ZNF850: variants seen among roughly 807,000 people sequenced by gnomAD.
ZNF850 encodes zinc finger protein 850, also known as putative zinc finger protein ENSP00000330994.
In ZNF850, 2 loss-of-function variants were observed where a neutral mutation model predicts 11.9. The observed-to-expected ratio is 0.17, with a 90% CI of 0.07 to 0.53. ZNF850 has a LOEUF of 0.53. Among genes scored for constraint, ZNF850 ranks in the 20% least tolerant of loss-of-function variants. The pLI, the probability that ZNF850 is intolerant of heterozygous loss-of-function variation, is 0.94. For synonymous variants in ZNF850, 381 were observed against 443.0 expected (o/e 0.86, Z 1.76); for missense variants, 1,014 against 1,316.4 (o/e 0.77, Z 3.55).
intron 1 of ZNF850, among the ~76,000 whole-genome samples, chr19:36,766,153 A>G (rs901001399): frequency 2.0e-5 from 3 of 152,164 alleles, no homozygotes; most frequent in African/African-American, 7.2e-5. Flanking sequence ...CGGCCTCCCA[A>G]AGTGCTGGGA....
chr19:36,747,239 A>G lies in ZNF850; in HGVS notation c.*528T>C, dbSNP rs927494313. On this transcript the variant is annotated 3_prime_UTR_variant, in exon 5 of 5. Coordinates refer to ENST00000591344, the MANE Select transcript of ZNF850 (RefSeq NM_001193552.2). ...AGTAATTTTGGCACAGAGAATTTACATAACTAGCCTAATGTCACGTAGGTA... is the reference window on the plus strand; with the variant it reads ...AGTAATTTTGGCACAGAGAATTTACGTAACTAGCCTAATGTCACGTAGGTA... The G allele has an allele frequency of 2.0e-5, 3 of 152,904 alleles. No homozygotes were observed. Among genetic ancestry groups the G allele is most frequent in the East Asian group, 3.9e-4 (2 of 5,192 alleles). The allele number at this position is 152,904 out of a possible 1,614,324, so 9.5% of individuals were successfully genotyped here. A position where few individuals can be genotyped will look rare whatever the true frequency, so the allele number is the denominator to read the frequency against.
chr19:36,761,655 C>T lies in ZNF850; in HGVS notation c.223G>A (p.Gly75Arg), dbSNP rs2040518959. The T allele has an allele frequency of 1.9e-6, 3 of 1,549,740 alleles. No homozygotes were observed. Among genetic ancestry groups the T allele is most frequent in the Admixed American group, 3.8e-5 (2 of 52,344 alleles). Residue 75 changes from glycine to arginine, a missense_variant, in exon 4 of 5, where the codon GGA (glycine) becomes AGA (arginine). By Grantham distance (125) the Gly-to-Arg change is moderately radical. Around this residue, in one of 2 missense-constraint regions of ZNF850, gnomAD observed 835 missense variants for 1,022.0 expected, o/e 0.82. Transcript: ENST00000591344. ...PWMVSRDVLGGWCRDSEFRCK... is the reference protein window; with the variant it reads ...PWMVSRDVLGRWCRDSEFRCK... ...AGTCCTTACTCACCTCGGCACCATC[C>T]TCCCAGCACGTCCCTTGAAACCATC...
Position 36,764,022 on chromosome 19 carries a change from G to A in ZNF850, c.-69-1347C>T, listed in dbSNP as rs142911363. On this transcript the variant is annotated intron_variant, in intron 1 of 4. Coordinates refer to ENST00000591344, the MANE Select transcript of ZNF850 (RefSeq NM_001193552.2). ...AGCACTTTGGGAGGCTGAGTCGGGC[G>A]GATCACGAGGTCAAGAGATAGAGAC... Among the ~76,000 whole-genome samples the A allele has an allele frequency of 3.6e-4, 55 of 152,104 alleles. 1 individual carries two copies. Among genetic ancestry groups the A allele is most frequent in the African/African-American group, 1.0e-3 (43 of 41,510 alleles).
Position 36,748,649 on chromosome 19 carries a change from A to G in ZNF850, c.2391T>C (p.His797=), listed in dbSNP as rs878945516. Residue 797 remains histidine (H), a synonymous_variant, in exon 5 of 5, where the codon CAT becomes CAC. Coordinates refer to ENST00000591344, the MANE Select transcript of ZNF850 (RefSeq NM_001193552.2). ...GTGGCTGATGTTGAATTAGTGTTGA[A>G]TGAGAAGTAAAAGATTTCCCACATT... is the stretch of plus-strand genomic sequence containing the variant. The part of the protein sequence containing the change: ...CKECGKSFTS[H]STLIQHQPLH... 2.0e-5 allele frequency: 30 copies of G among 1,533,930 alleles called. No individual in the cohort carries two copies. The African/African-American group carries it at 3.9e-4, about 20-fold the overall frequency.
intron 1 of ZNF850, among the ~76,000 whole-genome samples, chr19:36,769,085 A>T (rs576734560): frequency 8.6e-5 from 13 of 151,580 alleles, no homozygotes; most frequent in Admixed American, 7.9e-4. Context: ...ACATGGTGAA[A>T]CCCTGTCTCT....
intron 4 of ZNF850, among the ~76,000 whole-genome samples, chr19:36,753,994 G>A (rs1285765874): frequency 6.6e-6 from 1 of 151,738 alleles, no homozygotes; most frequent in Non-Finnish European, 1.5e-5. Flanking sequence ...GAGACAAATA[G>A]AATAAGCTGG....
Position 36,747,426 on chromosome 19 carries a change from G to A in ZNF850, c.*341C>T, listed in dbSNP as rs1299553046. On this transcript the variant is annotated 3_prime_UTR_variant, in exon 5 of 5. Transcript: ENST00000591344. Reference sequence around the variant, plus strand: ...GGGTGGATCACCAGGTCAGGAGATCGAGACCATCCTGGCTAACACAGTGAA... The same window carrying A: ...GGGTGGATCACCAGGTCAGGAGATCAAGACCATCCTGGCTAACACAGTGAA... 3.9e-5 allele frequency: 7 copies of A among 180,444 alleles called. No homozygotes were observed. Among genetic ancestry groups the A allele is most frequent in the East Asian group, 1.4e-4 (1 of 6,974 alleles). The allele number at this position is 180,444 out of a possible 1,614,324, so 11.2% of individuals were successfully genotyped here. A position where few individuals can be genotyped will look rare whatever the true frequency, so the allele number is the denominator to read the frequency against.
rs778425979 is a variant in ZNF850 at position 36,750,801 on chromosome 19, G to A, written c.239C>T (p.Ser80Leu). The A allele has an allele frequency of 3.8e-5, 56 of 1,491,450 alleles. No individual in the cohort carries two copies. Among genetic ancestry groups the A allele is most frequent in the Admixed American group, 2.9e-4 (12 of 41,034 alleles). 92.4% of individuals were successfully genotyped at this position (1,491,450 alleles called of 1,614,324 possible). Residue 80 changes from serine to leucine, a missense_variant, in exon 5 of 5, where the codon TCG becomes TTG. Around this residue, in one of 2 missense-constraint regions of ZNF850, gnomAD observed 835 missense variants for 1,022.0 expected, o/e 0.82. Transcript: ENST00000591344. Reference sequence around the variant, plus strand: ...ATCTTTGGTCTTACATCTAAACTCCGAGTCTGAAAAATAACCAGAAAGCAA... The same window carrying A: ...ATCTTTGGTCTTACATCTAAACTCCAAGTCTGAAAAATAACCAGAAAGCAA... The part of the protein sequence containing the change: ...RDVLGGWCRD[S>L]EFRCKTKDSC...
intron 4 of ZNF850, 78 bp from the exon 5 acceptor site, chr19:36,750,882 G>A: frequency 7.4e-7 from 1 of 1,349,408 alleles, no homozygotes; most frequent in Non-Finnish European, 9.8e-7. Context: ...AGAAAGGGGA[G>A]ACAAACTGAA....
At chr19:36,765,289 G>A (rs1236499791) in intron 1 of ZNF850, among the ~76,000 whole-genome samples, 2 of 152,208 alleles carry the variant, frequency 1.3e-5, no homozygotes, top group African/African-American at 4.8e-5. Flanking sequence ...CATTCTCATA[G>A]GGTCAGTATC....
intron 4 of ZNF850, among the ~76,000 whole-genome samples, chr19:36,752,560 G>A (rs1011055158): frequency 6.6e-5 from 10 of 152,176 alleles, no homozygotes; most frequent in Admixed American, 3.9e-4. Context: ...TAGGGGATGA[G>A]ATGAGGAATG....
chr19:36,756,096 G>A (rs934214027), intron 4 of ZNF850, among the ~76,000 whole-genome samples: 12 of 151,754 alleles, frequency 7.9e-5, no homozygotes, highest in Non-Finnish European at 1.3e-4. Context: ...AGTAGAGACG[G>A]GGTTTTACCA....
At chr19:36,767,273 A>G (rs1380790764) in intron 1 of ZNF850, among the ~76,000 whole-genome samples, 1 of 150,028 alleles carries the variant, frequency 6.7e-6, no homozygotes, top group African/African-American at 2.5e-5. Context: ...AAAATACAAA[A>G]AAGTCGGGCA....
chr19:36,748,321 T>C lies in ZNF850; in HGVS notation c.2719A>G (p.Arg907Gly). 7 of 1,590,462 alleles carry C rather than the reference T, an allele frequency of 4.4e-6. No homozygotes were observed. Among genetic ancestry groups the C allele is most frequent in the Non-Finnish European group, 6.0e-6 (7 of 1,171,450 alleles). ...TGTTGAGTAAGTTTTGAACGACGTCTAAAGGCCTTGCCACATTCCTTACAA... is the reference window on the plus strand; with the variant it reads ...TGTTGAGTAAGTTTTGAACGACGTCCAAAGGCCTTGCCACATTCCTTACAA... ...YDCKECGKAFRRRSKLTQHQR... is the reference protein window; with the variant it reads ...YDCKECGKAFGRRSKLTQHQR... Residue 907 changes from arginine (R) to glycine (G), a missense_variant, in exon 5 of 5, where the codon AGA becomes GGA. Coordinates refer to ENST00000591344, the MANE Select transcript of ZNF850 (RefSeq NM_001193552.2).
intron 4 of ZNF850, among the ~76,000 whole-genome samples, chr19:36,752,721 T>G (rs1317664185): frequency 6.6e-6 from 1 of 152,032 alleles, no homozygotes; most frequent in African/African-American, 2.4e-5. Flanking sequence ...TTCTTCAACA[T>G]ATAAATTTCA....
rs1420110902 is a variant in ZNF850 at position 36,769,047 on chromosome 19, G to C, written c.-70+3678C>G. 4.6e-5 allele frequency among the ~76,000 whole-genome samples: 7 copies of C among 151,302 alleles called. No homozygotes were observed. In the East Asian group the frequency reaches 1.2e-3, roughly 25 times the overall value. ...AGGCAGAGGTGGGTGAATCACTTGA[G>C]ATCAGGAGTTCATGACCAGCCTGGC... On this transcript the variant is annotated intron_variant, in intron 1 of 4. Coordinates refer to ENST00000591344, the MANE Select transcript of ZNF850 (RefSeq NM_001193552.2).
rs1262563973 is a variant in ZNF850, at chr19:36,747,925, AT to A, written c.3114del (p.Gln1038HisfsTer52). On this transcript the variant is annotated frameshift_variant, in exon 5 of 5. Coordinates refer to ENST00000591344, the MANE Select transcript of ZNF850 (RefSeq NM_001193552.2). LOFTEE classifies it low-confidence loss of function (END_TRUNC). ...KRIHTGEKTY[Q>X]CPECGKAFFY... ...AAAAAGGCTTTCCCACATTCCGGACATTGATAAGTTTTCTCACCAGTATGGA... is the reference window on the plus strand; with the variant it reads ...AAAAAGGCTTTCCCACATTCCGGACATGATAAGTTTTCTCACCAGTATGGA... 6.4e-7 allele frequency: 1 copy of A among 1,569,376 alleles called. No homozygotes were observed. Among genetic ancestry groups the A allele is most frequent in the Non-Finnish European group, 8.6e-7 (1 of 1,161,696 alleles).
rs1459031702 is a variant in ZNF850 at position 36,750,115 on chromosome 19, A to G, written c.925T>C (p.Tyr309His). Residue 309 changes from tyrosine (Y) to histidine (H), a missense_variant, in exon 5 of 5, where the codon TAT (tyrosine) becomes CAT (histidine). Coordinates refer to ENST00000591344, the MANE Select transcript of ZNF850 (RefSeq NM_001193552.2). ...HQQIHTGEKP[Y>H]HCKQCGKSFT... The stretch of plus-strand genomic sequence containing the variant: ...GATTTTCCACATTGCTTACAATGAT[A>G]GGGTTTCTCACCAGTGTGAATTTGC... 1.3e-6 allele frequency: 2 copies of G among 1,538,614 alleles called. No individual in the cohort carries two copies. The highest frequency in any genetic ancestry group is 8.7e-7 in the Non-Finnish European group (1 of 1,147,000).
chr19:36,748,389 A>C lies in ZNF850; in HGVS notation c.2651T>G (p.Ile884Arg). ...CGKSFAFRSA[I>R]IQHRRIHTGE... ...AGTGTGAATTCGCCGATGTTGGATT[A>C]TTGCTGAGCGAAAAGCAAAAGATTT... Residue 884 changes from isoleucine to arginine, a missense_variant, in exon 5 of 5, where the codon ATA (isoleucine) becomes AGA (arginine). Physicochemically the swap from Ile to Arg is moderately conservative, Grantham distance 97. Around this residue, in one of 2 missense-constraint regions of ZNF850, gnomAD observed 179 missense variants for 294.4 expected, o/e 0.61. Coordinates refer to ENST00000591344, the MANE Select transcript of ZNF850 (RefSeq NM_001193552.2). 1 of 1,555,140 alleles carries C rather than the reference A, an allele frequency of 6.4e-7. No individual in the cohort carries two copies. The highest frequency in any genetic ancestry group is 8.7e-7 in the Non-Finnish European group (1 of 1,152,172).
Sources: allele counts gnomAD v4.1 joint callset (sites outside exome capture counted in the v4.1 genomes callset), GRCh38; gene constraint gnomAD v4.1.1; regional missense constraint gnomAD v4.1.1; transcripts MANE v1.5; gene names NCBI Gene and HGNC (gene_info 2026-07-23, HGNC 2026-07-21).